Variants in CD300A observed in about 807,000 individuals in gnomAD.
CD300A encodes the protein CMRF35-like molecule 8.
A neutral mutation model predicts 33.6 loss-of-function variants in CD300A; 22 were observed. The ratio of observed to expected loss-of-function variants is 0.66; its 90% CI spans 0.47 to 0.94. The LOEUF is 0.94. Among genes scored for constraint, CD300A ranks in the 40% least tolerant of loss-of-function variants. The pLI, the probability that CD300A is intolerant of heterozygous loss-of-function variation, is 0.00. For synonymous variants in CD300A, 136 were observed against 148.1 expected (o/e 0.92, Z 0.59); for missense variants, 326 against 360.5 (o/e 0.90, Z 0.77).
intron 1 of CD300A, among the ~76,000 whole-genome samples, chr17:74,472,397 C>T (rs1348897934): frequency 6.6e-6 from 1 of 152,216 alleles, no homozygotes; most frequent in East Asian, 1.9e-4. Context: ...CTGCCTGGGG[C>T]AGGGGCCATG....
chr17:74,471,718 C>T (rs745724900), intron 1 of CD300A, among the ~76,000 whole-genome samples: 12 of 152,106 alleles, frequency 7.9e-5, no homozygotes, highest in Non-Finnish European at 1.5e-4. Flanking sequence ...ATGTGTACAT[C>T]CAGGCGTGGA....
chr17:74,472,038 C>T (rs1411143990), intron 1 of CD300A, among the ~76,000 whole-genome samples: 4 of 151,938 alleles, frequency 2.6e-5, no homozygotes, highest in South Asian at 4.2e-4. Context: ...GTCAGGAGTT[C>T]GAGACCAGCC....
chr17:74,469,039 T>C (rs1418522344), intron 1 of CD300A, among the ~76,000 whole-genome samples: 2 of 152,230 alleles, frequency 1.3e-5, no homozygotes, highest in Non-Finnish European at 2.9e-5. Flanking sequence ...TTTATTATGC[T>C]GGCTTCATGG....
Position 74,474,549 on chromosome 17 carries a change from C to G in CD300A, c.397C>G (p.Pro133Ala). Residue 133 changes from proline to alanine, a missense_variant, in exon 3 of 7, where the codon CCT becomes GCT. Transcript: ENST00000360141. ...SVFPASTSMT[P>A]ASITAAKTST... ...GCCACCAGCATCAACGTCAATGACA[C>G]CTGCAAGTATCACTGCGGCCAAGAC... The G allele has an allele frequency of 6.2e-7, 1 of 1,614,092 alleles. No individual in the cohort carries two copies. Among genetic ancestry groups the G allele is most frequent in the East Asian group, 2.2e-5 (1 of 44,882 alleles).
At chr17:74,479,259 CAG>C (rs1906680005) in intron 4 of CD300A, among the ~76,000 whole-genome samples, 1 of 151,478 alleles carries the variant, frequency 6.6e-6, no homozygotes, top group Non-Finnish European at 1.5e-5. Flanking sequence ...TTTTTTGAGA[CAG>C]AGTCTCACTC....
At chr17:74,473,463 C>G in intron 1 of CD300A, 73 bp from the exon 2 acceptor site, 1 of 1,416,258 alleles carries the variant, frequency 7.1e-7, no homozygotes, top group Non-Finnish European at 9.7e-7. Flanking sequence ...AGGGTCCATG[C>G]GGCCCTGACC....
intron 2 of CD300A, among the ~76,000 whole-genome samples, chr17:74,474,189 T>TG (rs3215317): frequency 0.6 from 89,869 of 150,832 alleles, 29,913 homozygotes; most frequent in African/African-American, 0.9. Flanking sequence ...ACAGAGAGGC[T>TG]GGGGGGCCAG....
At chr17:74,466,847 T>C in intron 1 of CD300A, 104 bp downstream of exon 1, 1 of 1,542,288 alleles carries the variant, frequency 6.5e-7, no homozygotes, top group Non-Finnish European at 8.7e-7. Flanking sequence ...CTGGACTCCG[T>C]GCAGAACGCA....
chr17:74,473,938 G>T lies in CD300A; in HGVS notation c.379+64G>T, dbSNP rs1906285975. ...GTTGGAATTGTTGGGGCAGGAATCAGATCAGAGACGTGAAGCAGACAGTGT... is the reference window on the plus strand; with the variant it reads ...GTTGGAATTGTTGGGGCAGGAATCATATCAGAGACGTGAAGCAGACAGTGT... On this transcript the variant is annotated intron_variant, in intron 2 of 6. Coordinates refer to ENST00000360141, the MANE Select transcript of CD300A (RefSeq NM_007261.4). 8.4e-6 allele frequency: 13 copies of T among 1,544,282 alleles called. No homozygotes were observed. In the South Asian group the frequency reaches 1.4e-4, roughly 17 times the overall value.
chr17:74,480,370 G>A lies in CD300A; in HGVS notation c.629-919G>A, dbSNP rs544048156. On this transcript the variant is annotated intron_variant, in intron 4 of 6. Transcript: ENST00000360141. The surrounding 1 kb of genome is among the most constrained non-coding windows in gnomAD (Gnocchi z 4.2). ...GGCATCAGCAGCGTGTGTGTCACCCGCTGCCCACGTGGTCCGGGCTCCTGG... is the reference window on the plus strand; with the variant it reads ...GGCATCAGCAGCGTGTGTGTCACCCACTGCCCACGTGGTCCGGGCTCCTGG... 4.6e-5 allele frequency among the ~76,000 whole-genome samples: 7 copies of A among 152,268 alleles called. No homozygotes were observed. The highest frequency in any genetic ancestry group is 1.9e-4 in the East Asian group (1 of 5,172).
chr17:74,475,355 G>A (rs1906391966), intron 3 of CD300A, among the ~76,000 whole-genome samples: 1 of 152,136 alleles, frequency 6.6e-6, no homozygotes, highest in African/African-American at 2.4e-5. Context: ...AGATTTGGGT[G>A]GGGACCCAGC....
intron 3 of CD300A, among the ~76,000 whole-genome samples, chr17:74,475,211 A>G (rs1906381505): frequency 6.6e-6 from 1 of 152,186 alleles, no homozygotes; most frequent in Non-Finnish European, 1.5e-5. Context: ...CCTCTTATAA[A>G]GCCATCAGAC....
intron 5 of CD300A, 22 bp downstream of exon 5, chr17:74,481,348 G>A (rs752248036): frequency 1.2e-6 from 2 of 1,612,220 alleles, no homozygotes; most frequent in Non-Finnish European, 1.7e-6. Flanking sequence ...TTAGCAGGAG[G>A]TGTATCAGGT....
rs1041699440 is a variant in CD300A, at chr17:74,470,128, G to T, written c.40+3385G>T. On this transcript the variant is annotated intron_variant, in intron 1 of 6. Transcript: ENST00000360141. ...TGGTAGAGGACCCTGGCCCCAAGGT[G>T]GTCCCCAGTCTCCTGTTTATGATTA... 1.9e-5 allele frequency: 19 copies of T among 985,356 alleles called. No homozygotes were observed. The East Asian group carries it at 2.0e-3, about 106-fold the overall frequency. 61.0% of individuals were successfully genotyped at this position (985,356 alleles called of 1,614,324 possible).
Position 74,473,843 on chromosome 17 carries a change from C to G in CD300A, c.348C>G (p.Pro116=). Reference sequence around the variant, plus strand: ...CATGGCTCCGAGACTTTCATGATCCCGTTGTCGAGGTTGAGGTGTCCGTGT... The same window carrying G: ...CATGGCTCCGAGACTTTCATGATCCGGTTGTCGAGGTTGAGGTGTCCGTGT... ...DTPWLRDFHD[P]VVEVEVSVFP... Residue 116 remains proline, a synonymous_variant, in exon 2 of 7, where the codon CCC becomes CCG. Coordinates refer to ENST00000360141, the MANE Select transcript of CD300A (RefSeq NM_007261.4). 1.9e-6 allele frequency: 3 copies of G among 1,612,836 alleles called. No individual in the cohort carries two copies. The highest frequency in any genetic ancestry group is 1.7e-6 in the Non-Finnish European group (2 of 1,178,866).
chr17:74,471,338 C>T (rs1307262902), intron 1 of CD300A, among the ~76,000 whole-genome samples: 2 of 152,082 alleles, frequency 1.3e-5, no homozygotes, highest in Admixed American at 6.5e-5. Context: ...TTAGTCAGCC[C>T]AGAGGTTATC....
At chr17:74,467,737 C>A (rs113377660) in intron 1 of CD300A, among the ~76,000 whole-genome samples, 2 of 152,200 alleles carry the variant, frequency 1.3e-5, no homozygotes, top group Admixed American at 6.5e-5. Context: ...GACTTGGAAA[C>A]GGGTCATCCT....
At chr17:74,474,795 GC>G in intron 3 of CD300A, 110 bp downstream of exon 3, 1 of 1,166,800 alleles carries the variant, frequency 8.6e-7, no homozygotes, top group Non-Finnish European at 1.2e-6. Flanking sequence ...CGCTCCCTTT[GC>G]CCCAGGCCCA....
intron 6 of CD300A, among the ~76,000 whole-genome samples, chr17:74,483,092 G>T (rs185301902): frequency 1.4e-4 from 22 of 152,254 alleles, no homozygotes; most frequent in African/African-American, 4.8e-4. Flanking sequence ...CCACGAAGCT[G>T]CATGGCCTGG....
Sources: allele counts gnomAD v4.1 joint callset (sites outside exome capture counted in the v4.1 genomes callset), GRCh38; gene constraint gnomAD v4.1.1; non-coding constraint Gnocchi (gnomAD v3.1); transcripts MANE v1.5; gene names NCBI Gene and HGNC (gene_info 2026-07-23, HGNC 2026-07-21).